SPON1: variants seen among roughly 807,000 people sequenced by gnomAD.
The protein encoded by SPON1 is spondin-1.
A neutral mutation model predicts 111.7 loss-of-function variants in SPON1; 52 were observed. The ratio of observed to expected loss-of-function variants is 0.47; its 90% CI spans 0.37 to 0.59. The LOEUF is 0.59. Ranked by LOEUF, SPON1 falls within the 20% of genes least tolerant of loss-of-function variation. The pLI is 0.00. For synonymous variants in SPON1, 410 were observed against 395.8 expected (o/e 1.04, Z -0.43); for missense variants, 957 against 1,068.5 (o/e 0.90, Z 1.46).
chr11:14,241,472 G>A (rs1848925565), intron 6 of SPON1, among the ~76,000 whole-genome samples: 1 of 152,200 alleles, frequency 6.6e-6, no homozygotes, highest in Non-Finnish European at 1.5e-5. Context: ...AGGGGAGACT[G>A]TGGAAGGAGG....
At chr11:14,057,660 CT>C (rs1173363947) in intron 3 of SPON1, among the ~76,000 whole-genome samples, 3 of 151,926 alleles carry the variant, frequency 2.0e-5, no homozygotes, top group Non-Finnish European at 4.4e-5. Context: ...TTTTATACCG[CT>C]CTTGTAAGTT....
intron 2 of SPON1, among the ~76,000 whole-genome samples, chr11:13,993,768 A>G (rs1332476899): frequency 6.6e-6 from 1 of 152,254 alleles, no homozygotes; most frequent in African/African-American, 2.4e-5. Flanking sequence ...TATCCCTGGC[A>G]GCAACTATGA....
At chr11:14,134,786 G>A (rs1847571362) in intron 5 of SPON1, among the ~76,000 whole-genome samples, 1 of 152,134 alleles carries the variant, frequency 6.6e-6, no homozygotes, top group Non-Finnish European at 1.5e-5. Flanking sequence ...TCCTCTGCCA[G>A]AACCCTTCAG....
At chr11:14,242,884 C>A (rs976579145) in intron 6 of SPON1, among the ~76,000 whole-genome samples, 1 of 152,224 alleles carries the variant, frequency 6.6e-6, no homozygotes, top group Non-Finnish European at 1.5e-5. Context: ...GCAGGACAGG[C>A]GTTGAGGGGA....
intron 2 of SPON1, among the ~76,000 whole-genome samples, chr11:14,008,695 C>G (rs1848382501): frequency 6.6e-6 from 1 of 152,210 alleles, no homozygotes; most frequent in South Asian, 2.1e-4. Flanking sequence ...CATCTCTACT[C>G]AGGCTCTGGA....
At chr11:14,065,552 A>G (rs192557566) in intron 3 of SPON1, among the ~76,000 whole-genome samples, 128 of 152,364 alleles carry the variant, frequency 8.4e-4, no homozygotes, top group Non-Finnish European at 1.5e-3. Flanking sequence ...GGATCAGAGC[A>G]TAGTCTGGAG....
chr11:14,160,891 ATATATTTATATATTTATATATATATT>A (rs1847932077), intron 6 of SPON1, among the ~76,000 whole-genome samples: 1 of 41,834 alleles, frequency 2.4e-5, no homozygotes, highest in African/African-American at 9.7e-5. Flanking sequence ...ATATATTTAT[ATATATTTATATATTTATATATATATT>A]TATATATTTA....
intron 6 of SPON1, among the ~76,000 whole-genome samples, chr11:14,222,241 C>CTCATCAAGTTGTGACATAAGCCAGGTT (rs879959747): frequency 4.6e-5 from 7 of 152,208 alleles, no homozygotes; most frequent in Non-Finnish European, 1.0e-4. Flanking sequence ...TTAACCAGGT[C>CTCATCAAGTTGTGACATAAGCCAGGTT]TCATCAAGTT....
At chr11:14,143,232 A>G (rs1847677662) in intron 6 of SPON1, among the ~76,000 whole-genome samples, 1 of 152,166 alleles carries the variant, frequency 6.6e-6, no homozygotes, top group Admixed American at 6.5e-5. Context: ...CTGTTATTAT[A>G]TCCAGTGGCT....
chr11:13,966,147 T>C (rs1260325760), intron 1 of SPON1, among the ~76,000 whole-genome samples: 3 of 152,200 alleles, frequency 2.0e-5, no homozygotes, highest in African/African-American at 7.2e-5. Flanking sequence ...TAGTATTATA[T>C]TGATTTCCTT....
intron 6 of SPON1, among the ~76,000 whole-genome samples, chr11:14,160,868 T>TA: frequency 2.2e-5 from 1 of 45,798 alleles, no homozygotes; most frequent in African/African-American, 8.8e-5. Flanking sequence ...TATTTATATA[T>TA]TTTTATATTT....
At chr11:14,082,009 TG>T (rs1848966144) in intron 5 of SPON1, among the ~76,000 whole-genome samples, 3 of 152,224 alleles carry the variant, frequency 2.0e-5, no homozygotes, top group Non-Finnish European at 2.9e-5. Flanking sequence ...ACTCTCTGCC[TG>T]GGGGAAAGAA....
At chr11:13,997,419 G>C (rs1330093072) in intron 2 of SPON1, among the ~76,000 whole-genome samples, 1 of 152,134 alleles carries the variant, frequency 6.6e-6, no homozygotes, top group Non-Finnish European at 1.5e-5. Context: ...AACTTACTTA[G>C]TCCCTTCATC....
intron 3 of SPON1, among the ~76,000 whole-genome samples, chr11:14,051,535 CA>C (rs111822968): frequency 0.016 from 2,052 of 130,244 alleles, 32 homozygotes; most frequent in African/African-American, 0.045. Flanking sequence ...GAGCCTGTCT[CA>C]AAAAAAAAAA....
At chr11:14,163,098 T>C (rs1262039565) in intron 6 of SPON1, among the ~76,000 whole-genome samples, 1 of 152,206 alleles carries the variant, frequency 6.6e-6, no homozygotes, top group African/African-American at 2.4e-5. Flanking sequence ...GATAGCTTCT[T>C]CCAATCTAAA....
chr11:14,263,310 C>T (rs1849212049), intron 15 of SPON1, among the ~76,000 whole-genome samples: 1 of 152,170 alleles, frequency 6.6e-6, no homozygotes, highest in South Asian at 2.1e-4. Flanking sequence ...ATGTGTCCAA[C>T]TTTGCTCAAA....
intron 3 of SPON1, among the ~76,000 whole-genome samples, chr11:14,050,701 T>C (rs1486986012): frequency 6.6e-6 from 1 of 152,168 alleles, no homozygotes; most frequent in African/African-American, 2.4e-5. Flanking sequence ...TGTTATTGAC[T>C]TGGCCACCAC....
intron 6 of SPON1, among the ~76,000 whole-genome samples, chr11:14,210,756 A>G (rs1412421270): frequency 2.0e-5 from 3 of 152,008 alleles, no homozygotes; most frequent in African/African-American, 7.2e-5. Flanking sequence ...TAAGTCTTTG[A>G]TCTATCTTGA....
At chr11:14,207,715 CA>C (rs1848531091) in intron 6 of SPON1, among the ~76,000 whole-genome samples, 1 of 152,066 alleles carries the variant, frequency 6.6e-6, no homozygotes, top group African/African-American at 2.4e-5. Flanking sequence ...AAACATAACA[CA>C]TGCTGGCAAG....
Sources: gnomAD v4.1 joint callset for allele counts (sites outside exome capture counted in the v4.1 genomes callset) on GRCh38, gnomAD v4.1.1 for gene constraint, MANE v1.5 for transcripts, NCBI Gene and HGNC (gene_info 2026-07-23, HGNC 2026-07-21) for gene names.